Variants in DYSF observed in about 807,000 individuals in gnomAD.
DYSF encodes the protein dysferlin.
In DYSF, 212 loss-of-function variants were observed where a neutral mutation model predicts 274.9. The ratio of observed to expected loss-of-function variants is 0.77; its 90% CI spans 0.69 to 0.86. DYSF has a LOEUF of 0.86. Ranked by LOEUF, DYSF falls within the 40% of genes least tolerant of loss-of-function variation. The pLI is 0.00. For missense variants in DYSF, 2,666 were observed against 2,783.2 expected, an observed-to-expected ratio of 0.96 and a Z score of 0.95; for synonymous variants, 1,091 against 1,078.7, an observed-to-expected ratio of 1.01 and a Z score of -0.22.
chr2:71,500,259 C>T (rs893487727), intron 3 of DYSF, among the ~76,000 whole-genome samples: 1 of 152,128 alleles, frequency 6.6e-6, no homozygotes, highest in Non-Finnish European at 1.5e-5. Context: ...ACCTCTCCTC[C>T]CTGAGCAATG....
intron 36 of DYSF, among the ~76,000 whole-genome samples, chr2:71,610,028 A>G (rs1173718277): frequency 6.6e-6 from 1 of 152,222 alleles, no homozygotes. Flanking sequence ...CCCTCCATGT[A>G]TGGATGTGCA....
intron 9 of DYSF, among the ~76,000 whole-genome samples, chr2:71,516,717 G>A (rs762253662): frequency 1.3e-5 from 2 of 152,152 alleles, no homozygotes; most frequent in Non-Finnish European, 2.9e-5. Context: ...TGTAGGCTCC[G>A]GCACTAGAGT....
chr2:71,537,230 T>TTG (rs2089454908), intron 16 of DYSF, among the ~76,000 whole-genome samples: 2 of 142,204 alleles, frequency 1.4e-5, no homozygotes, highest in Non-Finnish European at 3.1e-5. Flanking sequence ...TTTGTTTTTT[T>TTG]TTTTTTTTTT....
At chr2:71,572,367 G>T (rs995434406) in intron 29 of DYSF, among the ~76,000 whole-genome samples, 2 of 152,112 alleles carry the variant, frequency 1.3e-5, no homozygotes, top group Non-Finnish European at 2.9e-5. Flanking sequence ...ATCACACCCA[G>T]CACACCCACA....
At chr2:71,566,351 AG>A (rs1389141773) in intron 24 of DYSF, among the ~76,000 whole-genome samples, 10 of 134,804 alleles carry the variant, frequency 7.4e-5, no homozygotes, top group Admixed American at 5.9e-4. Flanking sequence ...CCTGGTTTCA[AG>A]CAAAAAAAAA....
In DYSF at chr2:71,656,237, C is replaced by T. The variant is rs375698433; in HGVS notation, c.4702C>T (p.Arg1568Trp). The stretch of plus-strand genomic sequence containing the variant: ...CTTTTGTAACACCTTCAAGCTGTAC[C>T]GGGGCAAGACGCAGGAGGAGACAGA... ...SDFCNTFKLYRGKTQEETEDP... is the reference protein window; with the variant it reads ...SDFCNTFKLYWGKTQEETEDP... Residue 1568 changes from arginine to tryptophan, a missense_variant, in exon 43 of 56, where the codon CGG becomes TGG. By Grantham distance (101) the Arg-to-Trp change is moderately radical. Coordinates refer to ENST00000410020, the MANE Select transcript of DYSF (RefSeq NM_001130987.2). The T allele has an allele frequency of 3.4e-5, 55 of 1,614,172 alleles. No homozygotes were observed. The highest frequency in any genetic ancestry group is 1.7e-4 in the Middle Eastern group (1 of 6,060).
chr2:71,612,082 C>G (rs970900423), intron 38 of DYSF, among the ~76,000 whole-genome samples: 2 of 152,200 alleles, frequency 1.3e-5, no homozygotes, highest in African/African-American at 4.8e-5. Context: ...GACCTAGTGG[C>G]CAGAGTAAGG....
At chr2:71,568,851 A>G (rs116701554) in intron 26 of DYSF, among the ~76,000 whole-genome samples, 3,230 of 149,352 alleles carry the variant, frequency 0.022, 99 homozygotes, top group African/African-American at 0.076. Context: ...TTGAGTCACC[A>G]CGCCTGGCCA....
At chr2:71,650,396 G>A (rs914571964) in intron 42 of DYSF, among the ~76,000 whole-genome samples, 1 of 152,106 alleles carries the variant, frequency 6.6e-6, no homozygotes, top group Admixed American at 6.6e-5. Flanking sequence ...CAGGAGAATC[G>A]CTTGAACCTG....
At chr2:71,648,908 C>T (rs2094609174) in intron 42 of DYSF, among the ~76,000 whole-genome samples, 1 of 151,996 alleles carries the variant, frequency 6.6e-6, no homozygotes, top group African/African-American at 2.4e-5. Flanking sequence ...CAGCCAAGCT[C>T]CCCTCCAAGC....
At chr2:71,503,736 G>C (rs1553518238) in intron 4 of DYSF, among the ~76,000 whole-genome samples, 1 of 152,082 alleles carries the variant, frequency 6.6e-6, no homozygotes, top group Admixed American at 6.5e-5. Flanking sequence ...GGGCATGAGG[G>C]ATGGAGGGAA....
rs1189744662 is a variant in DYSF at position 71,679,155 on chromosome 2, T to G, written c.5983T>G (p.Phe1995Val). Residue 1995 changes from phenylalanine (F) to valine (V), a missense_variant, in exon 53 of 56, where the codon TTT becomes GTT. Transcript: ENST00000410020. ...GGATGATGCTTTCCACCCAGAATGG[T>G]TTGTGTCCCTTTTTGAGCAGAAAAC... ...QLDDAFHPEW[F>V]VSLFEQKTVK... The G allele has an allele frequency of 1.3e-5, 21 of 1,613,672 alleles. No individual in the cohort carries two copies. The highest frequency in any genetic ancestry group is 1.6e-5 in the Non-Finnish European group (19 of 1,179,894).
intron 41 of DYSF, among the ~76,000 whole-genome samples, chr2:71,638,039 A>AT (rs1308430523): frequency 6.6e-6 from 1 of 152,074 alleles, no homozygotes; most frequent in African/African-American, 2.4e-5. Context: ...GGAAGAGGGA[A>AT]TTGCAGCCAA....
chr2:71,521,007 A>G, intron 12 of DYSF, 103 bp downstream of exon 12: 1 of 908,572 alleles, frequency 1.1e-6, no homozygotes, highest in Non-Finnish European at 1.7e-6. Context: ...TCTGATTTAA[A>G]CTAATATGTG....
At chr2:71,620,236 C>T (rs2094062058) in intron 40 of DYSF, among the ~76,000 whole-genome samples, 1 of 152,156 alleles carries the variant, frequency 6.6e-6, no homozygotes, top group South Asian at 2.1e-4. Flanking sequence ...TGGCTGAGCC[C>T]CTTCCACGTG....
intron 36 of DYSF, among the ~76,000 whole-genome samples, chr2:71,603,612 C>T (rs1178995273): frequency 6.6e-6 from 1 of 152,180 alleles, no homozygotes; most frequent in Non-Finnish European, 1.5e-5. Flanking sequence ...GCCCCGCACC[C>T]CTTACCTCAC....
At chr2:71,521,411 T>A (rs2087260069) in intron 12 of DYSF, among the ~76,000 whole-genome samples, 1 of 152,064 alleles carries the variant, frequency 6.6e-6, no homozygotes, top group Non-Finnish European at 1.5e-5. Context: ...GGGGTTAGAT[T>A]TAATGAAAGG....
Position 71,665,235 on chromosome 2 carries a change from G to A in DYSF, c.5248G>A (p.Val1750Ile). Residue 1750 changes from valine (V) to isoleucine (I), a missense_variant, in exon 47 of 56, where the codon GTC becomes ATC. Coordinates refer to ENST00000410020, the MANE Select transcript of DYSF (RefSeq NM_001130987.2). Reference sequence around the variant, plus strand: ...CCACCTCTTCTGCCAGCAGCATAGAGTCAAGGCACCTGTGTACCGGACAGA... The same window carrying A: ...CCACCTCTTCTGCCAGCAGCATAGAATCAAGGCACCTGTGTACCGGACAGA... ...LLHLFCQQHR[V>I]KAPVYRTDRV... is the part of the protein sequence containing the mutation. 6.2e-7 allele frequency: 1 copy of A among 1,614,182 alleles called. No homozygotes were observed. Among genetic ancestry groups the A allele is most frequent in the Non-Finnish European group, 8.5e-7 (1 of 1,180,032 alleles).
intron 48 of DYSF, among the ~76,000 whole-genome samples, chr2:71,668,221 G>A (rs774401480): frequency 6.6e-6 from 1 of 152,166 alleles, no homozygotes; most frequent in African/African-American, 2.4e-5. Flanking sequence ...TTTGGCTACC[G>A]GCCTCCCCAA....
Sources: allele counts gnomAD v4.1 joint callset (sites outside exome capture counted in the v4.1 genomes callset), GRCh38; gene constraint gnomAD v4.1.1; transcripts MANE v1.5; gene names NCBI Gene and HGNC (gene_info 2026-07-23, HGNC 2026-07-21).